The following JAK2 variants were observed in gnomAD, a reference collection of about 807,000 sequenced individuals.
The protein encoded by JAK2 is tyrosine-protein kinase JAK2.
Under a neutral mutation model 139.3 loss-of-function variants are expected in JAK2, and 86 were observed. The ratio of observed to expected loss-of-function variants is 0.62; its 90% CI spans 0.52 to 0.74. The LOEUF (loss-of-function observed/expected upper bound fraction) is 0.74. Ranked by LOEUF, JAK2 falls within the 30% of genes least tolerant of loss-of-function variation. JAK2 has a pLI of 0.00. For synonymous variants in JAK2, 490 were observed against 437.7 expected (o/e 1.12, Z -1.49); for missense variants, 1,421 against 1,360.3 (o/e 1.04, Z -0.70).
intron 2 of JAK2, among the ~76,000 whole-genome samples, chr9:4,989,590 A>T (rs970576781): frequency 6.6e-6 from 1 of 152,240 alleles, no homozygotes; most frequent in African/African-American, 2.4e-5. Context: ...TGTATTCAAA[A>T]GAGAAATAAA....
intron 19 of JAK2, among the ~76,000 whole-genome samples, chr9:5,087,438 G>T (rs1479397258): frequency 3.9e-5 from 6 of 152,218 alleles, no homozygotes; most frequent in African/African-American, 1.4e-4. Flanking sequence ...TACAATTCAA[G>T]ATGAGATTTG....
chr9:5,038,835 T>C (rs1260102057), intron 4 of JAK2, among the ~76,000 whole-genome samples: 3 of 152,046 alleles, frequency 2.0e-5, no homozygotes, highest in African/African-American at 7.2e-5. Context: ...TCCCAGGAAA[T>C]ACAAGGCTAG....
In JAK2 at chr9:5,033,289, G is replaced by A. The variant is rs139412197; in HGVS notation, c.350+3383G>A. 6.5e-3 allele frequency among the ~76,000 whole-genome samples: 995 copies of A among 152,220 alleles called. 10 individuals are homozygous for A. The highest frequency in any genetic ancestry group is 0.022 in the African/African-American group (915 of 41,558). On this transcript the variant is annotated intron_variant, in intron 4 of 24. Transcript: ENST00000381652. ...GTCTCATTGGTGTACCTGATGGGGA[G>A]AATGGAACCAAGTTGGAAAACACTC...
At chr9:5,046,612 T>C (rs1177061523) in intron 5 of JAK2, among the ~76,000 whole-genome samples, 1 of 152,212 alleles carries the variant, frequency 6.6e-6, no homozygotes, top group East Asian at 1.9e-4. Flanking sequence ...CTTTTGCTTG[T>C]GAATATCCAG....
chr9:5,064,365 A>G (rs6476936), intron 8 of JAK2, among the ~76,000 whole-genome samples: 13,326 of 152,142 alleles, frequency 0.088, 1,749 homozygotes, highest in African/African-American at 0.29. Context: ...ACCTGTCTTT[A>G]CTAAAAATAC....
At chr9:5,117,579 A>G (rs1343179463) in intron 22 of JAK2, among the ~76,000 whole-genome samples, 2 of 152,230 alleles carry the variant, frequency 1.3e-5, no homozygotes, top group Admixed American at 6.5e-5. Context: ...AATGTAAAAC[A>G]ATGTGACTCT....
In JAK2 at chr9:5,073,739, C is replaced by A. The variant is rs145561071; in HGVS notation, c.1818C>A (p.His606Gln). 109 of 1,612,382 alleles carry A rather than the reference C, an allele frequency of 6.8e-5. No homozygotes were observed. The highest frequency in any genetic ancestry group is 8.8e-5 in the Non-Finnish European group (104 of 1,179,130). ...EAASMMSKLS[H>Q]KHLVLNYGVC... The stretch of plus-strand genomic sequence containing the variant: ...CAAGTATGATGAGCAAGCTTTCTCA[C>A]AAGCATTTGGTTTTAAATTATGGAG... Residue 606 changes from histidine to glutamine, a missense_variant, in exon 14 of 25, where the codon CAC (histidine) becomes CAA (glutamine). His to Gln is a conservative substitution (Grantham distance 24). Coordinates refer to ENST00000381652, the MANE Select transcript of JAK2 (RefSeq NM_004972.4).
At chr9:5,059,541 G>A (rs1376445344) in intron 8 of JAK2, among the ~76,000 whole-genome samples, 1 of 151,970 alleles carries the variant, frequency 6.6e-6, no homozygotes, top group South Asian at 2.1e-4. Context: ...CATATTTTTT[G>A]GTGGACTTAT....
rs945619429 is a variant in JAK2, at chr9:5,128,034, G to C, written c.*1243G>C. The C allele has an allele frequency of 4.3e-6, 1 of 231,770 alleles. No homozygotes were observed. Among genetic ancestry groups the C allele is most frequent in the African/African-American group, 2.2e-5 (1 of 45,066 alleles). The allele number at this position is 231,770 out of a possible 1,614,324, so 14.4% of individuals were successfully genotyped here. ...GTTCGTTGTTGTCATTTGTTATAGT[G>C]CTACTCCACTTTAGACACCATAGCT... On this transcript the variant is annotated 3_prime_UTR_variant, in exon 25 of 25. Coordinates refer to ENST00000381652, the MANE Select transcript of JAK2 (RefSeq NM_004972.4).
chr9:5,035,715 T>C (rs1040390856), intron 4 of JAK2, among the ~76,000 whole-genome samples: 2 of 152,198 alleles, frequency 1.3e-5, no homozygotes, highest in African/African-American at 4.8e-5. Context: ...AAATTAGGTA[T>C]TGATGGGACG....
intron 22 of JAK2, among the ~76,000 whole-genome samples, chr9:5,106,555 C>T (rs989886598): frequency 1.3e-5 from 2 of 152,156 alleles, no homozygotes; most frequent in African/African-American, 2.4e-5. Context: ...ACTGGGTATA[C>T]ACCCAAAGGA....
chr9:4,985,148 G>T (rs1028853419), upstream of JAK2: 1 of 152,482 alleles, frequency 6.6e-6, no homozygotes, highest in Non-Finnish European at 1.5e-5. Flanking sequence ...GGCGAAGCCA[G>T]TGTCGCCCGC....
intron 2 of JAK2, among the ~76,000 whole-genome samples, chr9:5,018,633 C>T (rs993346841): frequency 1.3e-5 from 2 of 152,240 alleles, no homozygotes; most frequent in Non-Finnish European, 1.5e-5. Context: ...GCCACTGTGC[C>T]TGGCCTGACA....
chr9:5,097,597 G>C (rs1391562139), intron 22 of JAK2: 2 of 152,028 alleles, frequency 1.3e-5, no homozygotes, highest in Admixed American at 1.3e-4. Flanking sequence ...CATAATTACT[G>C]CTATGCCTAC....
chr9:5,112,360 G>A (rs1308447912), intron 22 of JAK2: 1 of 384,312 alleles, frequency 2.6e-6, no homozygotes, highest in Non-Finnish European at 4.9e-6. Context: ...CCTGCAGTGG[G>A]CTAGGGCGAG....
chr9:5,035,769 A>G (rs1191416479), intron 4 of JAK2, among the ~76,000 whole-genome samples: 2 of 152,328 alleles, frequency 1.3e-5, no homozygotes, highest in South Asian at 2.1e-4. Flanking sequence ...CCGACAGCCA[A>G]TATCATACTG....
At chr9:5,018,509 T>C (rs1228044347) in intron 2 of JAK2, among the ~76,000 whole-genome samples, 1 of 152,072 alleles carries the variant, frequency 6.6e-6, no homozygotes, top group Non-Finnish European at 1.5e-5. Flanking sequence ...GCTAATTCTT[T>C]TGTATTTTTC....
chr9:5,028,807 C>G (rs939266673), intron 3 of JAK2, among the ~76,000 whole-genome samples: 1 of 152,190 alleles, frequency 6.6e-6, no homozygotes, highest in Non-Finnish European at 1.5e-5. Flanking sequence ...CCTCTCTCAG[C>G]CTTCACAGGT....
At chr9:5,110,186 C>T (rs1822335629) in intron 22 of JAK2, 1 of 152,200 alleles carries the variant, frequency 6.6e-6, no homozygotes, top group African/African-American at 2.4e-5. Context: ...AAGGCCCAAC[C>T]CCAGCCTCAG....
Sources: allele counts gnomAD v4.1 joint callset (sites outside exome capture counted in the v4.1 genomes callset), GRCh38; gene constraint gnomAD v4.1.1; transcripts MANE v1.5; gene names NCBI Gene and HGNC (gene_info 2026-07-23, HGNC 2026-07-21).